The following CRTAP variants were observed in gnomAD, a reference collection of about 807,000 sequenced individuals.
CRTAP encodes cartilage-associated protein.
A neutral mutation model predicts 42.7 loss-of-function variants in CRTAP; 33 were observed. The observed-to-expected ratio is 0.77, with a 90% CI of 0.59 to 1.03. The LOEUF is 1.03. Among genes scored for constraint, CRTAP ranks in the 50% least tolerant of loss-of-function variants. The pLI, the probability that CRTAP is intolerant of heterozygous loss-of-function variation, is 0.00. For missense variants in CRTAP, 613 were observed against 533.9 expected (o/e 1.15, Z -1.46); for synonymous variants, 243 against 217.7 (o/e 1.12, Z -1.02).
chr3:33,133,735 A>T (rs1238650789), intron 5 of CRTAP, among the ~76,000 whole-genome samples: 1 of 152,198 alleles, frequency 6.6e-6, no homozygotes, highest in African/African-American at 2.4e-5. Context: ...CTTAATTATT[A>T]TCCTTTAACA....
In CRTAP at chr3:33,146,179, C is replaced by G. The variant is rs561959158; in HGVS notation, c.*3731C>G. On this transcript the variant is annotated 3_prime_UTR_variant, in exon 7 of 7. Transcript: ENST00000320954. ...TTCCTGGATGGAGACCCCATTGGTT[C>G]AGCCTCAAGTCTGGCCCGTCTTCGA... 5 of 152,392 alleles carry G rather than the reference C, an allele frequency of 3.3e-5. No homozygotes were observed. The South Asian group carries it at 1.0e-3, about 32-fold the overall frequency. The allele number at this position is 152,392 out of a possible 1,614,324, so 9.4% of individuals were successfully genotyped here.
intron 6 of CRTAP, among the ~76,000 whole-genome samples, chr3:33,136,693 G>A (rs1433366356): frequency 2.0e-5 from 3 of 152,218 alleles, no homozygotes; most frequent in African/African-American, 7.2e-5. Flanking sequence ...GGGAGCTGGC[G>A]TATGTCACAT....
At chr3:33,119,334 G>A (rs886221370) in intron 1 of CRTAP, among the ~76,000 whole-genome samples, 1 of 152,162 alleles carries the variant, frequency 6.6e-6, no homozygotes, top group Non-Finnish European at 1.5e-5. Context: ...TGGGTCCCCC[G>A]AGGATCATAG....
At chr3:33,137,177 G>A (rs1457743694) in intron 6 of CRTAP, among the ~76,000 whole-genome samples, 2 of 151,908 alleles carry the variant, frequency 1.3e-5, no homozygotes, top group African/African-American at 2.4e-5. Flanking sequence ...TTTTGCTCTT[G>A]TTGCCCAGGC....
Position 33,146,642 on chromosome 3 carries a change from C to A in CRTAP, c.*4194C>A, listed in dbSNP as rs1328038140. The A allele has an allele frequency of 1.3e-5, 2 of 152,204 alleles. No homozygotes were observed. Among genetic ancestry groups the A allele is most frequent in the Non-Finnish European group, 2.9e-5 (2 of 68,044 alleles). 9.4% of individuals were successfully genotyped at this position (152,204 alleles called of 1,614,324 possible). ...AATTCAGAAAGAGAGCCACTGCGAG[C>A]ACTGACCACAAGGGCTGCCTTAGGA... On this transcript the variant is annotated 3_prime_UTR_variant, in exon 7 of 7. Transcript: ENST00000320954.
At chr3:33,125,591 T>C (rs1318669250) in intron 3 of CRTAP, among the ~76,000 whole-genome samples, 1 of 140,060 alleles carries the variant, frequency 7.1e-6, no homozygotes, top group African/African-American at 2.6e-5. Context: ...TAAACCACCA[T>C]GTACCCATGA....
chr3:33,132,711 T>C lies in CRTAP; in HGVS notation c.1068+11T>C, dbSNP rs761750861. ...TTCCAGCCCAGACCTGTAAGTCTGG[T>C]GCACCACACCTTCCCTTTTCTCTTC... On this transcript the variant is annotated intron_variant, in intron 5 of 6. Coordinates refer to ENST00000320954, the MANE Select transcript of CRTAP (RefSeq NM_006371.5). 4.6e-5 allele frequency: 75 copies of C among 1,613,354 alleles called. No individual in the cohort carries two copies. Among genetic ancestry groups the C allele is most frequent in the Admixed American group, 1.2e-4 (7 of 59,980 alleles).
intron 6 of CRTAP, among the ~76,000 whole-genome samples, chr3:33,137,927 G>A (rs1031123931): frequency 3.3e-5 from 5 of 152,166 alleles, no homozygotes; most frequent in African/African-American, 1.2e-4. Context: ...ATAGCCAGTT[G>A]TTACAGCACT....
chr3:33,132,469 T>A, intron 4 of CRTAP, 86 bp from the exon 5 acceptor site: 3 of 1,550,070 alleles, frequency 1.9e-6, no homozygotes, highest in Non-Finnish European at 1.8e-6. Context: ...AAGGGGCTTG[T>A]TCATATGGCC....
chr3:33,116,980 CT>C (rs1479922722), intron 1 of CRTAP, among the ~76,000 whole-genome samples: 1 of 151,940 alleles, frequency 6.6e-6, no homozygotes, highest in Non-Finnish European at 1.5e-5. Flanking sequence ...GGTGGCGTGC[CT>C]TTCTAGTTTC....
intron 1 of CRTAP, among the ~76,000 whole-genome samples, chr3:33,117,677 C>T (rs1242010454): frequency 6.6e-6 from 1 of 152,176 alleles, no homozygotes; most frequent in Non-Finnish European, 1.5e-5. Context: ...ACAGGGCCTG[C>T]CTCTGTGTCA....
chr3:33,130,000 A>T lies in CRTAP; in HGVS notation c.855A>T (p.Ile285=), dbSNP rs748772443. The change falls in exon 4 of 7, where the codon ATA becomes ATT. Residue 285 remains isoleucine (I), a synonymous_variant. Transcript: ENST00000320954. ...IQCEENLTPV[I]GGYPVEKFVA... ...GTGAAGAGAACCTCACCCCAGTTAT[A>T]GGAGGCTATCCGGTTGAGAAATTTG... 24 of 1,613,380 alleles carry T rather than the reference A, an allele frequency of 1.5e-5. No homozygotes were observed. The South Asian group carries it at 2.2e-4, about 15-fold the overall frequency.
rs1040309816 is a variant in CRTAP, at chr3:33,146,202, C to G, written c.*3754C>G. Reference sequence around the variant, plus strand: ...TTCAGCCTCAAGTCTGGCCCGTCTTCGAAAAAACAAACACATTTGTAAGCT... The same window carrying G: ...TTCAGCCTCAAGTCTGGCCCGTCTTGGAAAAAACAAACACATTTGTAAGCT... On this transcript the variant is annotated 3_prime_UTR_variant, in exon 7 of 7. Coordinates refer to ENST00000320954, the MANE Select transcript of CRTAP (RefSeq NM_006371.5). 6.6e-6 allele frequency: 1 copy of G among 152,190 alleles called. No individual in the cohort carries two copies. Among genetic ancestry groups the G allele is most frequent in the Non-Finnish European group, 1.5e-5 (1 of 68,108 alleles). The allele number at this position is 152,190 out of a possible 1,614,324, so 9.4% of individuals were successfully genotyped here.
intron 6 of CRTAP, among the ~76,000 whole-genome samples, chr3:33,135,113 G>T (rs546605691): frequency 4.1e-4 from 62 of 152,318 alleles, no homozygotes; most frequent in African/African-American, 1.4e-3. Context: ...TATAAAATGG[G>T]AATAATAATA....
At chr3:33,141,882 C>T (rs959728844) in intron 6 of CRTAP, among the ~76,000 whole-genome samples, 31 of 152,168 alleles carry the variant, frequency 2.0e-4, no homozygotes, top group Non-Finnish European at 1.2e-4. Context: ...GGAGTGATTG[C>T]TTCAGTCACA....
chr3:33,115,864 C>G (rs1307844690), intron 1 of CRTAP, among the ~76,000 whole-genome samples: 3 of 151,224 alleles, frequency 2.0e-5, no homozygotes, highest in Admixed American at 6.6e-5. Context: ...TTCTATACTT[C>G]TATGCTTAGT....
chr3:33,133,294 T>A (rs2030324781), intron 5 of CRTAP, among the ~76,000 whole-genome samples: 1 of 150,926 alleles, frequency 6.6e-6, no homozygotes, highest in South Asian at 2.1e-4. Flanking sequence ...AGTCTTGCTC[T>A]GTCACCCAGG....
intron 6 of CRTAP, among the ~76,000 whole-genome samples, chr3:33,137,961 C>T (rs2030470231): frequency 1.3e-5 from 2 of 152,274 alleles, no homozygotes; most frequent in Middle Eastern, 3.4e-3. Context: ...ACTTTTTCAC[C>T]ATTGAATTGT....
chr3:33,129,750 A>G (rs539996602), intron 3 of CRTAP, among the ~76,000 whole-genome samples, 189 bp from the exon 4 acceptor site: 1 of 151,830 alleles, frequency 6.6e-6, no homozygotes, highest in East Asian at 1.9e-4. Flanking sequence ...GTTAACCAGG[A>G]TGGTCTCGAT....
Sources: allele counts gnomAD v4.1 joint callset (sites outside exome capture counted in the v4.1 genomes callset), GRCh38; gene constraint gnomAD v4.1.1; transcripts MANE v1.5; gene names NCBI Gene and HGNC (gene_info 2026-07-23, HGNC 2026-07-21).